Variants in DMD observed in about 807,000 individuals in gnomAD.
DMD encodes mutant dystrophin.
Under a neutral mutation model 330.1 loss-of-function variants are expected in DMD, and 63 were observed. The observed-to-expected ratio is 0.19, with a 90% CI of 0.16 to 0.24. The LOEUF is 0.24. DMD is among the 10% of genes least tolerant of loss of function. The pLI, the probability that DMD is intolerant of heterozygous loss-of-function variation, is 1.00. For synonymous variants in DMD, 1,223 were observed against 959.8 expected (o/e 1.27, Z -5.07); for missense variants, 3,344 against 2,684.1 (o/e 1.25, Z -5.43).
intron 1 of DMD, among the ~76,000 whole-genome samples, chrX:33,180,458 C>T (rs1275301186): frequency 9.0e-6 from 1 of 111,711 alleles, no homozygotes; most frequent in Non-Finnish European, 1.9e-5. Context: ...CACACACATA[C>T]ACACAGAGTT....
intron 47 of DMD, among the ~76,000 whole-genome samples, chrX:31,911,596 G>A (rs1039060688): frequency 9.0e-5 from 10 of 111,006 alleles, no homozygotes; most frequent in East Asian, 2.8e-4. Context: ...AAATTCGAGC[G>A]TTTTTCTTAT....
intron 60 of DMD, among the ~76,000 whole-genome samples, chrX:31,424,153 A>C (rs907083078): frequency 2.0e-4 from 22 of 111,456 alleles, no homozygotes; most frequent in Admixed American, 1.6e-3. Flanking sequence ...AGAAGAAAAA[A>C]CAAAATCTTC....
At chrX:31,306,377 A>G (rs2055035655) in intron 62 of DMD, among the ~76,000 whole-genome samples, 1 of 111,503 alleles carries the variant, frequency 9.0e-6, no homozygotes. Flanking sequence ...CATACATATT[A>G]TTTTATAACA....
intron 1 of DMD, among the ~76,000 whole-genome samples, chrX:33,196,235 CAA>C (rs1490943105): frequency 9.0e-6 from 1 of 111,342 alleles, no homozygotes; most frequent in Non-Finnish European, 1.9e-5. Flanking sequence ...TTACATGAAC[CAA>C]AGTTATTTTA....
chrX:31,512,796 C>T (rs1321179308), intron 55 of DMD, among the ~76,000 whole-genome samples: 73 of 111,127 alleles, frequency 6.6e-4, no homozygotes, highest in African/African-American at 2.1e-3. Context: ...TCTTTTGGCT[C>T]AGGATTGACT....
At chrX:32,013,703 G>T (rs1027458590) in intron 44 of DMD, among the ~76,000 whole-genome samples, 1 of 111,874 alleles carries the variant, frequency 8.9e-6, no homozygotes, top group Admixed American at 9.5e-5. Flanking sequence ...AATGCAAAAA[G>T]ATAAGATATT....
At chrX:32,766,808 T>C (rs949867048) in intron 7 of DMD, among the ~76,000 whole-genome samples, 2 of 111,798 alleles carry the variant, frequency 1.8e-5, no homozygotes, top group Admixed American at 9.5e-5. Flanking sequence ...GTGATAGATA[T>C]GTTAACTAGC....
chrX:33,193,792 A>C (rs2148803590), intron 1 of DMD, among the ~76,000 whole-genome samples: 1 of 111,896 alleles, frequency 8.9e-6, no homozygotes, highest in African/African-American at 3.2e-5. Context: ...TATTATACCC[A>C]AAAAATTAAG....
chrX:32,125,621 G>C (rs991197081), intron 44 of DMD, among the ~76,000 whole-genome samples: 1 of 111,996 alleles, frequency 8.9e-6, no homozygotes, highest in African/African-American at 3.2e-5. Flanking sequence ...CAGGAACATA[G>C]ATAAGATTAC....
chrX:32,086,031 C>T (rs2096436748), intron 44 of DMD, among the ~76,000 whole-genome samples: 1 of 111,982 alleles, frequency 8.9e-6, no homozygotes, highest in Admixed American at 9.5e-5. Flanking sequence ...TAACTACACA[C>T]AAGAGAATAG....
intron 68 of DMD, among the ~76,000 whole-genome samples, chrX:31,180,783 CCA>C (rs1050581334): frequency 5.4e-5 from 6 of 111,778 alleles, no homozygotes; most frequent in African/African-American, 1.6e-4. Context: ...TGGAAAATTT[CCA>C]GTCTTTTGAA....
At chrX:33,139,594 G>T (rs1431899223) in intron 1 of DMD, among the ~76,000 whole-genome samples, 1 of 109,977 alleles carries the variant, frequency 9.1e-6, no homozygotes, top group African/African-American at 3.3e-5. Flanking sequence ...GATGGTGAGT[G>T]TATTCTCATG....
chrX:32,599,328 T>A (rs1337899410), intron 12 of DMD, among the ~76,000 whole-genome samples: 1 of 111,903 alleles, frequency 8.9e-6, no homozygotes, highest in Non-Finnish European at 1.9e-5. Context: ...GTTAAAAAGT[T>A]CAATTGTTCT....
At chrX:32,164,814 C>T (rs1364631998) in intron 44 of DMD, among the ~76,000 whole-genome samples, 1 of 110,745 alleles carries the variant, frequency 9.0e-6, no homozygotes, top group African/African-American at 3.3e-5. Flanking sequence ...AACCCCACCA[C>T]TGTGTGCGGC....
At chrX:33,192,217 C>A (rs1354780616) in intron 1 of DMD, among the ~76,000 whole-genome samples, 1 of 111,782 alleles carries the variant, frequency 8.9e-6, no homozygotes, top group Non-Finnish European at 1.9e-5. Flanking sequence ...AAAGAAGATT[C>A]TTGATCTTCA....
rs183773859 is a variant in DMD at position 31,331,606 on chromosome X, G to A, written c.9164-7948C>T. 1.1e-3 allele frequency among the ~76,000 whole-genome samples: 127 copies of A among 111,622 alleles called. 1 individual carries two copies. In the South Asian group the frequency reaches 0.039, roughly 35 times the overall value. On this transcript the variant is annotated intron_variant, in intron 61 of 78. Transcript: ENST00000357033. ...AATAATTTATGCTCAAGGAATTTTC[G>A]AGTAAATTCGAACATAATTGGCTGA...
In DMD at chrX:31,803,859, C is replaced by G. The variant is rs768726935; in HGVS notation, c.7309+16116G>C. Among the ~76,000 whole-genome samples the G allele has an allele frequency of 4.5e-5, 5 of 110,274 alleles. No individual in the cohort carries two copies. In the South Asian group the frequency reaches 1.9e-3, roughly 43 times the overall value. On this transcript the variant is annotated intron_variant, in intron 50 of 78. Coordinates refer to ENST00000357033, the MANE Select transcript of DMD (RefSeq NM_004006.3). ...GGATTACAGGCATGCGCCACCATGC[C>G]TGGCTGATTTTGTATTTTTAGTAGA...
At chrX:31,752,042 C>A (rs1291993717) in intron 51 of DMD, among the ~76,000 whole-genome samples, 1 of 111,655 alleles carries the variant, frequency 9.0e-6, no homozygotes, top group Non-Finnish European at 1.9e-5. Context: ...ATCTTCCAAT[C>A]TCTCTTTTAC....
Position 32,778,243 on chromosome X carries a change from C to CAA in DMD, c.649+31248_649+31249dup, listed in dbSNP as rs35311570. On this transcript the variant is annotated intron_variant, in intron 7 of 78. Transcript: ENST00000357033. ...CATCTTTTAAAATGTCAGATCCTCGCAAAAAAAAAAAAAAAAAATATGGAC... is the reference window on the plus strand; with the variant it reads ...CATCTTTTAAAATGTCAGATCCTCGCAAAAAAAAAAAAAAAAAAAATATGGAC... Among the ~76,000 whole-genome samples, 583 of 67,603 alleles carry CAA rather than the reference C, an allele frequency of 8.6e-3. 1 individual carries two copies. Among genetic ancestry groups the CAA allele is most frequent in the African/African-American group, 0.018 (316 of 18,026 alleles). The allele number at this position is 67,603 out of a possible 115,157, so 58.7% of individuals were successfully genotyped here. A position where few individuals can be genotyped will look rare whatever the true frequency, so the allele number is the denominator to read the frequency against.
Sources: allele counts gnomAD v4.1 joint callset (sites outside exome capture counted in the v4.1 genomes callset), GRCh38; gene constraint gnomAD v4.1.1; transcripts MANE v1.5; gene names NCBI Gene and HGNC (gene_info 2026-07-23, HGNC 2026-07-21).